The following ACMSD variants were observed in gnomAD, a reference collection of about 807,000 sequenced individuals.
The protein encoded by ACMSD is 2-amino-3-carboxymuconate-6-semialdehyde decarboxylase.
ACMSD carries 37 observed loss-of-function variants against 45.9 expected under a neutral mutation model. The observed-to-expected ratio is 0.81, with a 90% CI of 0.62 to 1.06. ACMSD has a LOEUF of 1.06. Ranked by LOEUF, ACMSD falls within the 50% of genes least tolerant of loss-of-function variation. The pLI, the probability that ACMSD is intolerant of heterozygous loss-of-function variation, is 0.00. For synonymous variants in ACMSD, 138 were observed against 148.8 expected (o/e 0.93, Z 0.53); for missense variants, 434 against 420.9 (o/e 1.03, Z -0.27).
At chr2:134,847,397 CAGATAGATAGATAGAT>C (rs1213803670) in intron 2 of ACMSD, among the ~76,000 whole-genome samples, 13 of 81,458 alleles carry the variant, frequency 1.6e-4, no homozygotes, top group Admixed American at 5.0e-4. Flanking sequence ...TTTGGGGATA[CAGATAGATAGATAGAT>C]AGATAGATAG....
chr2:134,882,812 T>G (rs1364611449), intron 8 of ACMSD, among the ~76,000 whole-genome samples: 1 of 152,204 alleles, frequency 6.6e-6, no homozygotes, highest in South Asian at 2.1e-4. Context: ...AGAACCATTT[T>G]GTAAGCCACA....
At chr2:134,899,718 T>C (rs902282164) in intron 9 of ACMSD, among the ~76,000 whole-genome samples, 5 of 152,154 alleles carry the variant, frequency 3.3e-5, no homozygotes, top group East Asian at 3.8e-4. Context: ...AGGGTACTCA[T>C]TGTAACGCTG....
At chr2:134,885,285 T>TAACA (rs10636216) in intron 8 of ACMSD, among the ~76,000 whole-genome samples, 1 of 104,380 alleles carries the variant, frequency 9.6e-6, no homozygotes, top group African/African-American at 4.0e-5. Flanking sequence ...ATATTATATA[T>TAACA]TATATTTATA....
At chr2:134,854,396 C>G (rs1038579368) in intron 2 of ACMSD, among the ~76,000 whole-genome samples, 27 of 152,230 alleles carry the variant, frequency 1.8e-4, no homozygotes, top group African/African-American at 6.3e-4. Flanking sequence ...CTAACATGAT[C>G]AATGCCCACA....
intron 2 of ACMSD, among the ~76,000 whole-genome samples, chr2:134,845,768 AAAG>A (rs1353958104): frequency 1.3e-5 from 2 of 152,150 alleles, no homozygotes; most frequent in Non-Finnish European, 2.9e-5. Context: ...GAAAAAGCAA[AAAG>A]AAGAAGGCTG....
intron 8 of ACMSD, 51 bp from the exon 9 acceptor site, chr2:134,898,290 G>A: frequency 8.9e-7 from 1 of 1,121,168 alleles, no homozygotes; most frequent in Non-Finnish European, 1.3e-6. Flanking sequence ...TTTACAGGAG[G>A]CTCTTTCATG....
intron 2 of ACMSD, among the ~76,000 whole-genome samples, chr2:134,850,592 G>A (rs1323361580): frequency 4.6e-5 from 7 of 152,076 alleles, no homozygotes; most frequent in African/African-American, 1.7e-4. Flanking sequence ...TTAATGTGGG[G>A]TCACAGCCAA....
chr2:134,839,864 T>C (rs1466746817), intron 1 of ACMSD, among the ~76,000 whole-genome samples: 1 of 152,142 alleles, frequency 6.6e-6, no homozygotes, highest in East Asian at 1.9e-4. Context: ...GTCCTCATCA[T>C]AGTTTACTGA....
intron 8 of ACMSD, among the ~76,000 whole-genome samples, chr2:134,885,341 T>A (rs1189171179): frequency 5.9e-5 from 6 of 102,474 alleles, no homozygotes; most frequent in East Asian, 3.3e-4. Flanking sequence ...AAATATATAT[T>A]TATATATAAT....
intron 2 of ACMSD, among the ~76,000 whole-genome samples, chr2:134,847,195 C>T (rs1687089031): frequency 6.6e-6 from 1 of 151,950 alleles, no homozygotes; most frequent in Admixed American, 6.6e-5. Flanking sequence ...TTTAAAAGAC[C>T]ACTTTGGTTG....
intron 9 of ACMSD, among the ~76,000 whole-genome samples, chr2:134,899,490 T>A (rs930006174): frequency 8.1e-4 from 123 of 152,212 alleles, no homozygotes; most frequent in African/African-American, 2.9e-3. Context: ...TCTTTTTTTT[T>A]AAACAACAAA....
intron 2 of ACMSD, among the ~76,000 whole-genome samples, chr2:134,847,792 C>G (rs1314898202): frequency 6.6e-6 from 1 of 151,984 alleles, no homozygotes; most frequent in Non-Finnish European, 1.5e-5. Flanking sequence ...ATGAACTCAT[C>G]CTTTTTTATG....
intron 2 of ACMSD, among the ~76,000 whole-genome samples, chr2:134,847,256 G>T (rs1383796604): frequency 6.6e-6 from 1 of 152,066 alleles, no homozygotes; most frequent in Non-Finnish European, 1.5e-5. Flanking sequence ...GTGAAAAAGA[G>T]GCAAAAAGAT....
intron 1 of ACMSD, among the ~76,000 whole-genome samples, chr2:134,839,771 C>T (rs925153611): frequency 1.3e-5 from 2 of 152,110 alleles, no homozygotes; most frequent in Non-Finnish European, 2.9e-5. Flanking sequence ...GCACAGCTAA[C>T]GATAAAAGAT....
intron 2 of ACMSD, among the ~76,000 whole-genome samples, chr2:134,850,900 G>C (rs1329994279): frequency 1.3e-5 from 2 of 152,168 alleles, no homozygotes; most frequent in Non-Finnish European, 2.9e-5. Context: ...CAGTTAGTGA[G>C]CATAGTAACC....
intron 5 of ACMSD, among the ~76,000 whole-genome samples, chr2:134,864,268 CAAA>C (rs370221460): frequency 8.5e-6 from 1 of 117,972 alleles, no homozygotes. Context: ...GACTCCATCT[CAAA>C]AAAAAAAAAA....
intron 8 of ACMSD, among the ~76,000 whole-genome samples, chr2:134,892,983 G>T (rs560682171): frequency 1.3e-5 from 2 of 152,218 alleles, no homozygotes; most frequent in South Asian, 4.2e-4. Flanking sequence ...CAAATAGAGT[G>T]ACAATGACAG....
At chr2:134,882,724 T>C (rs1418742756) in intron 8 of ACMSD, among the ~76,000 whole-genome samples, 1 of 152,236 alleles carries the variant, frequency 6.6e-6, no homozygotes, top group African/African-American at 2.4e-5. Flanking sequence ...CTGCAAATGC[T>C]ACTAATGAGA....
intron 2 of ACMSD, among the ~76,000 whole-genome samples, chr2:134,850,721 G>C (rs936618106): frequency 1.3e-5 from 2 of 152,058 alleles, no homozygotes; most frequent in African/African-American, 2.4e-5. Flanking sequence ...CAAGCCATTA[G>C]AGATAAAGCT....
Sources: gnomAD v4.1 joint callset for allele counts (sites outside exome capture counted in the v4.1 genomes callset) on GRCh38, gnomAD v4.1.1 for gene constraint, MANE v1.5 for transcripts, NCBI Gene and HGNC (gene_info 2026-07-23, HGNC 2026-07-21) for gene names.